The following KAT2A variants were observed in gnomAD, a reference collection of about 807,000 sequenced individuals.
KAT2A encodes the protein histone acetyltransferase KAT2A.
A neutral mutation model predicts 95.2 loss-of-function variants in KAT2A; 42 were observed. The ratio of observed to expected loss-of-function variants is 0.44; its 90% CI spans 0.34 to 0.57. KAT2A has a LOEUF of 0.57. KAT2A is among the 20% of genes least tolerant of loss of function. The pLI, the probability that KAT2A is intolerant of heterozygous loss-of-function variation, is 0.01. For missense variants in KAT2A, 784 were observed against 1,126.3 expected, an observed-to-expected ratio of 0.70 and a Z score of 4.35; for synonymous variants, 449 against 448.2, an observed-to-expected ratio of 1.00 and a Z score of -0.02.
At chr17:42,120,520 G>A (rs980352541) in intron 2 of KAT2A, 150 bp from the exon 3 acceptor site, 8 of 1,246,942 alleles carry the variant, frequency 6.4e-6, no homozygotes, top group Non-Finnish European at 9.2e-6. Flanking sequence ...CAACCGTTGG[G>A]TTGCCTGGGC....
In KAT2A at chr17:42,120,132, G is replaced by A. The variant is rs782720925; in HGVS notation, c.610-13C>T. The A allele has an allele frequency of 1.9e-6, 3 of 1,614,150 alleles. No individual in the cohort carries two copies. The highest frequency in any genetic ancestry group is 1.1e-5 in the South Asian group (1 of 91,088). ...ATTTCCGCAGTAGCTAGAGAGAAGA[G>A]GAAGGGGGCATAGAGGGGAGGGGGG... is the stretch of plus-strand genomic sequence containing the variant. On this transcript the variant is annotated splice_polypyrimidine_tract_variant and intron_variant, in intron 3 of 17. Transcript: ENST00000225916.
chr17:42,119,185 G>A lies in KAT2A; in HGVS notation c.1073+60C>T. On this transcript the variant is annotated intron_variant, in intron 6 of 17. Transcript: ENST00000225916. This position sits in a 1 kb window ranked among gnomAD's most constrained non-coding sequence, Gnocchi z 5.3. ...TCCAGGAAGCCTTCCTGGAAAAAAG[G>A]GGACAACAGGGAGGATGTGAACTTG... 2.0e-6 allele frequency: 3 copies of A among 1,531,928 alleles called. No individual in the cohort carries two copies. Among genetic ancestry groups the A allele is most frequent in the Non-Finnish European group, 2.6e-6 (3 of 1,137,192 alleles). 94.9% of individuals were successfully genotyped at this position (1,531,928 alleles called of 1,614,324 possible). A position where few individuals can be genotyped will look rare whatever the true frequency, so the allele number is the denominator to read the frequency against.
In KAT2A at chr17:42,115,837, C is replaced by A. The variant is rs368260038; in HGVS notation, c.1765-4G>T. The A allele has an allele frequency of 2.0e-5, 32 of 1,571,772 alleles. No homozygotes were observed. In the African/African-American group the frequency reaches 3.4e-4, roughly 17 times the overall value. On this transcript the variant is annotated splice_polypyrimidine_tract_variant and splice_region_variant and intron_variant, in intron 11 of 17. Transcript: ENST00000225916. ...TCATCAGGTGGGTCCCATAACCCTG[C>A]GGGGGAGGGAAGCAGGACTCACCAG...
At chr17:42,116,896 T>C in intron 11 of KAT2A, 139 bp downstream of exon 11, 1 of 1,042,446 alleles carries the variant, frequency 9.6e-7, no homozygotes, top group South Asian at 1.5e-5. Context: ...GGCTGCCACC[T>C]TGTGGGGATG....
chr17:42,119,458 G>T lies in KAT2A; in HGVS notation c.882-22C>A. ...CCATCTGGAGTAGGGGGTCGAGGGG[G>T]AGACAGGTGAGGGCGGAAACCACTG... On this transcript the variant is annotated intron_variant, in intron 5 of 17. Coordinates refer to ENST00000225916, the MANE Select transcript of KAT2A (RefSeq NM_021078.3). The surrounding 1 kb of genome is among the most constrained non-coding windows in gnomAD (Gnocchi z 5.3). 1.3e-6 allele frequency: 2 copies of T among 1,597,022 alleles called. No individual in the cohort carries two copies. The highest frequency in any genetic ancestry group is 2.7e-5 in the African/African-American group (2 of 74,732).
chr17:42,118,971 G>T, intron 6 of KAT2A: 1 of 1,231,648 alleles, frequency 8.1e-7, no homozygotes, highest in Non-Finnish European at 1.0e-6. Context: ...CTGAGGCTGT[G>T]TCCAGGCCCC....
intron 2 of KAT2A, 71 bp from the exon 3 acceptor site, chr17:42,120,441 A>G (rs2054320042): frequency 1.3e-6 from 2 of 1,510,726 alleles, no homozygotes; most frequent in Non-Finnish European, 9.2e-7. Context: ...CCCTCTTCAC[A>G]GCCAAGCAAG....
rs72820870 is a variant in KAT2A at position 42,119,517 on chromosome 17, C to T, written c.881+20G>A. The T allele has an allele frequency of 3.5e-3, 5,509 of 1,581,546 alleles. 13 individuals carry two copies. The highest frequency in any genetic ancestry group is 5.4e-3 in the Middle Eastern group (32 of 5,906). The stretch of plus-strand genomic sequence containing the variant: ...CTGGGCCTGCAAGCCTCCCCCGAAG[C>T]TGCCCCTGGCTGGGCCTACCTGGTG... On this transcript the variant is annotated intron_variant, in intron 5 of 17. Coordinates refer to ENST00000225916, the MANE Select transcript of KAT2A (RefSeq NM_021078.3). This position sits in a 1 kb window ranked among gnomAD's most constrained non-coding sequence, Gnocchi z 5.3.
In KAT2A at chr17:42,113,534, T is replaced by C. The variant is rs2054200900; in HGVS notation, c.*115A>G. On this transcript the variant is annotated 3_prime_UTR_variant, in exon 18 of 18. Transcript: ENST00000225916. ...CTGCAGGATCGGGTCCGGAGGACCC[T>C]TGGCTGGAGTGTCTCAAGCTGAGTC... 2.0e-6 allele frequency: 2 copies of C among 1,010,036 alleles called. No homozygotes were observed. The highest frequency in any genetic ancestry group is 1.5e-5 in the South Asian group (1 of 65,502). The allele number at this position is 1,010,036 out of a possible 1,614,324, so 62.6% of individuals were successfully genotyped here.
rs1442309573 is a variant in KAT2A, at chr17:42,120,958, G to A, written c.339+8C>T. ...GCCCCGCCCCTTCACCCCAGGCCCCGCCCCCACCTTGCAAGCCGAGAAGAC... is the reference window on the plus strand; with the variant it reads ...GCCCCGCCCCTTCACCCCAGGCCCCACCCCCACCTTGCAAGCCGAGAAGAC... On this transcript the variant is annotated splice_region_variant and intron_variant, in intron 1 of 17. Transcript: ENST00000225916. 1.3e-6 allele frequency: 1 copy of A among 741,588 alleles called. No homozygotes were observed. Among genetic ancestry groups the A allele is most frequent in the South Asian group, 2.1e-5 (1 of 47,708 alleles). The allele number at this position is 741,588 out of a possible 1,614,324, so 45.9% of individuals were successfully genotyped here.
At chr17:42,120,504 C>G in intron 2 of KAT2A, 134 bp from the exon 3 acceptor site, 1 of 1,226,400 alleles carries the variant, frequency 8.2e-7, no homozygotes, top group Non-Finnish European at 1.2e-6. Flanking sequence ...CTGACTGCTC[C>G]GATATCAACC....
intron 3 of KAT2A, 34 bp from the exon 4 acceptor site, chr17:42,120,153 G>A (rs781917492): frequency 3.7e-6 from 6 of 1,613,350 alleles, no homozygotes; most frequent in South Asian, 1.1e-5. Context: ...TAGAGGGGAG[G>A]GGGGCAGAGC....
At position 42,118,025 on chromosome 17, in the gene KAT2A, G is replaced by A. The variant is rs782191070; in HGVS notation, c.1181-8C>T. ...CCGCTGCACTGACTGAAGCTGAGGAGAGAGAGAGACGTCAGGGATGGGGGG... is the reference window on the plus strand; with the variant it reads ...CCGCTGCACTGACTGAAGCTGAGGAAAGAGAGAGACGTCAGGGATGGGGGG... On this transcript the variant is annotated splice_polypyrimidine_tract_variant and splice_region_variant and intron_variant, in intron 7 of 17. Coordinates refer to ENST00000225916, the MANE Select transcript of KAT2A (RefSeq NM_021078.3). 2.1e-6 allele frequency: 3 copies of A among 1,435,460 alleles called. No individual in the cohort carries two copies. The highest frequency in any genetic ancestry group is 2.8e-6 in the Non-Finnish European group (3 of 1,059,976). The allele number at this position is 1,435,460 out of a possible 1,614,324, so 88.9% of individuals were successfully genotyped here.
At chr17:42,118,678 G>A (rs2054295900) in intron 6 of KAT2A, among the ~76,000 whole-genome samples, 2 of 152,216 alleles carry the variant, frequency 1.3e-5, no homozygotes. Context: ...GTGTGGCCAG[G>A]CAGGGCACCT....
Position 42,117,858 on chromosome 17 carries a change from G to T in KAT2A, c.1292-44C>A. 6.2e-7 allele frequency: 1 copy of T among 1,608,702 alleles called. No individual in the cohort carries two copies. Among genetic ancestry groups the T allele is most frequent in the Non-Finnish European group, 8.5e-7 (1 of 1,176,148 alleles). On this transcript the variant is annotated intron_variant, in intron 8 of 17. Transcript: ENST00000225916. The surrounding 1 kb of genome is among the most constrained non-coding windows in gnomAD (Gnocchi z 8.9). ...AGGTTGCTCAGGATCAGTAAAAAAG[G>T]TTTGGGAAGGAGTGAATGAGGGTCA...
rs146483436 is a variant in KAT2A, at chr17:42,120,563, C to T, written c.463+143G>A. ...GGGCTGAGAGATTTCCTTTCTCCCC[C>T]CTTGGTGCACACCCCCCCCCAACCC... On this transcript the variant is annotated intron_variant, in intron 2 of 17. Transcript: ENST00000225916. 4.9e-5 allele frequency: 61 copies of T among 1,256,584 alleles called. 1 individual carries two copies. The highest frequency in any genetic ancestry group is 3.3e-4 in the South Asian group (24 of 73,610). The allele number at this position is 1,256,584 out of a possible 1,614,324, so 77.8% of individuals were successfully genotyped here.
At position 42,119,040 on chromosome 17, in the gene KAT2A, C is replaced by T; in HGVS notation, c.1073+205G>A. The stretch of plus-strand genomic sequence containing the variant: ...TAGGGTCGGGTGGGGGCAGCGTTAG[C>T]TTGGGCTATGTACCTGCCATCCCCA... On this transcript the variant is annotated intron_variant, in intron 6 of 17. Coordinates refer to ENST00000225916, the MANE Select transcript of KAT2A (RefSeq NM_021078.3). The surrounding 1 kb of genome is among the most constrained non-coding windows in gnomAD (Gnocchi z 5.3). 7.1e-7 allele frequency: 1 copy of T among 1,403,244 alleles called. No individual in the cohort carries two copies. 86.9% of individuals were successfully genotyped at this position (1,403,244 alleles called of 1,614,324 possible).
rs956874020 is a variant in KAT2A, at chr17:42,117,059, A to G, written c.1740T>C (p.Ala580=). 6.2e-7 allele frequency: 1 copy of G among 1,614,146 alleles called. No individual in the cohort carries two copies. The highest frequency in any genetic ancestry group is 8.5e-7 in the Non-Finnish European group (1 of 1,180,028). Residue 580 remains alanine (A), a synonymous_variant, in exon 11 of 18, where the codon GCT becomes GCC. Coordinates refer to ENST00000225916, the MANE Select transcript of KAT2A (RefSeq NM_021078.3). The surrounding 1 kb of genome is among the most constrained non-coding windows in gnomAD (Gnocchi z 8.9). The part of the protein sequence containing the change: ...TQGFTEIVFC[A]VTSNEQVKGY... ...CCTTGACCTGCTCATTCGAGGTGAC[A>G]GCACAGAAGACAATCTCCGTGAAGC...
Position 42,119,507 on chromosome 17 carries a change from TC to T in KAT2A, c.881+29del. 6.3e-7 allele frequency: 1 copy of T among 1,578,732 alleles called. No individual in the cohort carries two copies. The highest frequency in any genetic ancestry group is 8.6e-7 in the Non-Finnish European group (1 of 1,159,266). On this transcript the variant is annotated intron_variant, in intron 5 of 17. Transcript: ENST00000225916. The surrounding 1 kb of genome is among the most constrained non-coding windows in gnomAD (Gnocchi z 5.3). Reference sequence around the variant, plus strand: ...TGAACCCAGGCTGGGCCTGCAAGCCTCCCCCGAAGCTGCCCCTGGCTGGGCC... The same window carrying T: ...TGAACCCAGGCTGGGCCTGCAAGCCTCCCCGAAGCTGCCCCTGGCTGGGCC...
Sources: allele counts gnomAD v4.1 joint callset (sites outside exome capture counted in the v4.1 genomes callset), GRCh38; gene constraint gnomAD v4.1.1; non-coding constraint Gnocchi (gnomAD v3.1); transcripts MANE v1.5; gene names NCBI Gene and HGNC (gene_info 2026-07-23, HGNC 2026-07-21).